ANKRD27: variants seen among roughly 807,000 people sequenced by gnomAD.
ANKRD27 encodes ankyrin repeat domain 27, also known as ankyrin repeat domain-containing protein 27.
ANKRD27 carries 112 observed loss-of-function variants against 129.7 expected under a neutral mutation model. The observed-to-expected ratio is 0.86, with a 90% CI of 0.74 to 1.01. ANKRD27 has a LOEUF of 1.01. ANKRD27 is among the 50% of genes least tolerant of loss of function. ANKRD27 has a pLI of 0.00. For missense variants in ANKRD27, 1,258 were observed against 1,300.5 expected (o/e 0.97, Z 0.50); for synonymous variants, 516 against 511.2 (o/e 1.01, Z -0.13).
chr19:32,674,974 C>G (rs960372069), intron 1 of ANKRD27, 97 bp downstream of exon 1: 3 of 151,980 alleles, frequency 2.0e-5, no homozygotes, highest in African/African-American at 7.2e-5. Flanking sequence ...AGCCCCTCCC[C>G]CCTCACTCTC....
intron 2 of ANKRD27, among the ~76,000 whole-genome samples, chr19:32,652,701 G>A (rs1408532875): frequency 6.6e-6 from 1 of 152,140 alleles, no homozygotes; most frequent in Non-Finnish European, 1.5e-5. Flanking sequence ...GCTGAGGCGG[G>A]TGGATCACTT....
Position 32,642,122 on chromosome 19 carries a change from C to T in ANKRD27, c.806G>A (p.Arg269Lys), listed in dbSNP as rs1181318518. ...EFSFNIPRAK[R>K]ELAQLNKCTS... The stretch of plus-strand genomic sequence containing the variant: ...GCATTTGTTCAGCTGAGCCAGCTCT[C>T]TTTTGGCACGAGGTATGTTAAAGCT... Residue 269 changes from arginine (R) to lysine (K), a missense_variant, in exon 10 of 29, where the codon AGA (arginine) becomes AAA (lysine). Coordinates refer to ENST00000306065, the MANE Select transcript of ANKRD27 (RefSeq NM_032139.3). 6.2e-7 allele frequency: 1 copy of T among 1,607,518 alleles called. No homozygotes were observed. Among genetic ancestry groups the T allele is most frequent in the South Asian group, 1.1e-5 (1 of 90,452 alleles).
intron 5 of ANKRD27, 107 bp downstream of exon 5, chr19:32,644,218 A>G (rs1967257189): frequency 1.5e-6 from 2 of 1,296,818 alleles, no homozygotes; most frequent in East Asian, 2.3e-5. Flanking sequence ...AAAAGACTTC[A>G]AACAGTGAGG....
chr19:32,599,873 C>G, intron 27 of ANKRD27, 97 bp from the exon 28 acceptor site: 4 of 1,506,202 alleles, frequency 2.7e-6, no homozygotes, highest in Non-Finnish European at 3.7e-6. Context: ...TTAGTAGGTG[C>G]AGATTTGTCC....
chr19:32,657,146 G>GT (rs1967553420), intron 2 of ANKRD27, among the ~76,000 whole-genome samples: 1 of 151,944 alleles, frequency 6.6e-6, no homozygotes, highest in Admixed American at 6.6e-5. Context: ...GGGACAACAC[G>GT]GTGAAACCCT....
At chr19:32,626,645 A>C in intron 16 of ANKRD27, 67 bp downstream of exon 16, 1 of 1,241,656 alleles carries the variant, frequency 8.1e-7, no homozygotes, top group South Asian at 1.4e-5. Context: ...ATGACCGTAC[A>C]GTCACCACGC....
chr19:32,624,671 T>G lies in ANKRD27; in HGVS notation c.1629+1203A>C, dbSNP rs75497545. 5.9e-4 allele frequency among the ~76,000 whole-genome samples: 90 copies of G among 152,340 alleles called. No homozygotes were observed. In the East Asian group the frequency reaches 0.012, roughly 21 times the overall value. On this transcript the variant is annotated intron_variant, in intron 17 of 28. Coordinates refer to ENST00000306065, the MANE Select transcript of ANKRD27 (RefSeq NM_032139.3). ...CATTATAAAAGTGAACCAGAAATGG[T>G]GGCTCATGCCTGTATTCCCAGAACT...
chr19:32,640,240 G>A (rs1967171283), intron 11 of ANKRD27, 67 bp downstream of exon 11: 1 of 1,332,698 alleles, frequency 7.5e-7, no homozygotes, highest in African/African-American at 1.5e-5. Flanking sequence ...TGGGATTACA[G>A]GCGTGAGCCA....
intron 1 of ANKRD27, among the ~76,000 whole-genome samples, chr19:32,660,528 AAAAG>A (rs1243381614): frequency 4.6e-5 from 7 of 152,174 alleles, no homozygotes; most frequent in East Asian, 1.9e-4. Context: ...AAAAAAAAGA[AAAAG>A]AAAGAGGCCT....
chr19:32,649,169 C>T (rs452811), intron 3 of ANKRD27, among the ~76,000 whole-genome samples: 93,498 of 151,680 alleles, frequency 0.62, 29,263 homozygotes, highest in Non-Finnish European at 0.65. Context: ...GATGGGGTCT[C>T]GTTATGTTTT....
chr19:32,599,008 G>A (rs1286062105), intron 28 of ANKRD27, among the ~76,000 whole-genome samples: 3 of 152,150 alleles, frequency 2.0e-5, no homozygotes, highest in African/African-American at 4.8e-5. Flanking sequence ...GTCCGGGCAC[G>A]GTGGCTCACA....
At chr19:32,621,526 G>A (rs905773308) in intron 18 of ANKRD27, among the ~76,000 whole-genome samples, 10 of 152,202 alleles carry the variant, frequency 6.6e-5, no homozygotes, top group Non-Finnish European at 1.3e-4. Context: ...TGCTAGGGAG[G>A]CTGAAGTAGG....
intron 21 of ANKRD27, among the ~76,000 whole-genome samples, chr19:32,616,828 G>A (rs1039131331): frequency 6.6e-6 from 1 of 152,118 alleles, no homozygotes. Flanking sequence ...AGGAGTCCCA[G>A]CTGACCACAG....
At chr19:32,615,389 A>G (rs183544724) in intron 22 of ANKRD27, among the ~76,000 whole-genome samples, 1 of 152,138 alleles carries the variant, frequency 6.6e-6, no homozygotes, top group Non-Finnish European at 1.5e-5. Flanking sequence ...GGCCGAGACC[A>G]GTCTGGGCAA....
Position 32,643,222 on chromosome 19 carries a change from C to T in ANKRD27, c.706-23G>A, listed in dbSNP as rs199943074. 5.6e-6 allele frequency: 9 copies of T among 1,614,028 alleles called. No individual in the cohort carries two copies. The East Asian group carries it at 2.0e-4, about 36-fold the overall frequency. ...ATCCTAACAACAGATTTTAACGAAC[C>T]TTCAAATTTCTCAAAAAGCACAGAA... On this transcript the variant is annotated intron_variant, in intron 8 of 28. Coordinates refer to ENST00000306065, the MANE Select transcript of ANKRD27 (RefSeq NM_032139.3).
intron 1 of ANKRD27, among the ~76,000 whole-genome samples, chr19:32,660,905 A>G (rs1967631523): frequency 6.6e-6 from 1 of 152,072 alleles, no homozygotes; most frequent in Non-Finnish European, 1.5e-5. Context: ...TCTGTATACT[A>G]AAGTAAGTTT....
chr19:32,652,342 C>A (rs891925725), intron 2 of ANKRD27, among the ~76,000 whole-genome samples: 3 of 152,162 alleles, frequency 2.0e-5, no homozygotes, highest in South Asian at 4.1e-4. Context: ...GTAATTCCAA[C>A]ACTTTGGGAG....
intron 1 of ANKRD27, among the ~76,000 whole-genome samples, chr19:32,671,640 A>C (rs1967872370): frequency 6.6e-6 from 1 of 152,230 alleles, no homozygotes; most frequent in Non-Finnish European, 1.5e-5. Flanking sequence ...GGTTGCAGTG[A>C]GCCGAGATCG....
intron 25 of ANKRD27, among the ~76,000 whole-genome samples, chr19:32,603,617 C>T (rs1202981263): frequency 6.6e-6 from 1 of 152,212 alleles, no homozygotes; most frequent in Non-Finnish European, 1.5e-5. Flanking sequence ...CAGCTCACTA[C>T]AGCCTTGACC....
Sources: gnomAD v4.1 joint callset for allele counts (sites outside exome capture counted in the v4.1 genomes callset) on GRCh38, gnomAD v4.1.1 for gene constraint, MANE v1.5 for transcripts, NCBI Gene and HGNC (gene_info 2026-07-23, HGNC 2026-07-21) for gene names.